Variants in GSG1L observed in about 807,000 individuals in gnomAD.
The protein encoded by GSG1L is germ cell-specific gene 1-like protein.
A neutral mutation model predicts 42.1 loss-of-function variants in GSG1L; 24 were observed. The observed-to-expected ratio is 0.57, with a 90% confidence interval of 0.41 to 0.80. The LOEUF is 0.80. Ranked by LOEUF, GSG1L falls within the 30% of genes least tolerant of loss-of-function variation. GSG1L has a pLI of 0.00. For synonymous variants in GSG1L, 215 were observed against 203.5 expected (o/e 1.06, Z -0.48); for missense variants, 445 against 472.2 (o/e 0.94, Z 0.53).
chr16:27,884,413 C>T lies in GSG1L; in HGVS notation c.550+73G>A. On this transcript the variant is annotated intron_variant, in intron 3 of 6. Coordinates refer to ENST00000447459, the MANE Select transcript of GSG1L (RefSeq NM_001109763.2). This position sits in a 1 kb window ranked among gnomAD's most constrained non-coding sequence, Gnocchi z 4.4. ...GTCCAATGCCTCCCGGTTGGTACAA[C>T]CAGGGCTTACTCCAAGGGCAGCACC... 1 of 1,441,952 alleles carries T rather than the reference C, an allele frequency of 6.9e-7. No individual in the cohort carries two copies. The highest frequency in any genetic ancestry group is 2.4e-5 in the East Asian group (1 of 41,806). 89.3% of individuals were successfully genotyped at this position (1,441,952 alleles called of 1,614,324 possible).
chr16:27,946,133 C>T (rs112832146), intron 2 of GSG1L, among the ~76,000 whole-genome samples: 11 of 152,196 alleles, frequency 7.2e-5, no homozygotes, highest in African/African-American at 2.4e-4. Flanking sequence ...ACAGGACTGA[C>T]GGGATACGTC....
At chr16:27,967,091 C>A (rs564244441) in intron 1 of GSG1L, among the ~76,000 whole-genome samples, 2 of 152,270 alleles carry the variant, frequency 1.3e-5, no homozygotes, top group South Asian at 2.1e-4. Flanking sequence ...CTGGTCCCAA[C>A]AAAGAGACAG....
chr16:27,988,766 A>AG (rs1555512638), intron 1 of GSG1L, among the ~76,000 whole-genome samples: 94 of 150,638 alleles, frequency 6.2e-4, no homozygotes, highest in Middle Eastern at 3.4e-3. Flanking sequence ...AAAAAAAAAA[A>AG]GGAGAGGGCT....
At chr16:27,950,629 C>T (rs186355366) in intron 2 of GSG1L, among the ~76,000 whole-genome samples, 7 of 152,122 alleles carry the variant, frequency 4.6e-5, no homozygotes, top group African/African-American at 1.4e-4. Flanking sequence ...TTGAAAACCT[C>T]GGAAGCCTAG....
chr16:28,060,553 G>A (rs2086329410), intron 1 of GSG1L, among the ~76,000 whole-genome samples: 1 of 152,138 alleles, frequency 6.6e-6, no homozygotes, highest in South Asian at 2.1e-4. Context: ...ATTTCTAACT[G>A]AGTTTTGGGA....
intron 1 of GSG1L, among the ~76,000 whole-genome samples, chr16:28,044,921 G>A (rs146688934): frequency 2.6e-4 from 40 of 152,266 alleles, no homozygotes; most frequent in Middle Eastern, 3.4e-3. Flanking sequence ...TACCGCGTCC[G>A]GCCATGAATG....
intron 1 of GSG1L, among the ~76,000 whole-genome samples, chr16:28,050,913 C>T (rs1934530422): frequency 6.6e-6 from 1 of 152,182 alleles, no homozygotes; most frequent in African/African-American, 2.4e-5. Context: ...CCCACTGAAT[C>T]CACAAGTAAG....
intron 2 of GSG1L, among the ~76,000 whole-genome samples, chr16:27,914,864 G>A (rs1378457788): frequency 6.6e-6 from 1 of 152,078 alleles, no homozygotes; most frequent in Non-Finnish European, 1.5e-5. Flanking sequence ...CTTGCAGATT[G>A]CCCCTGGCTA....
intron 3 of GSG1L, among the ~76,000 whole-genome samples, chr16:27,862,704 C>T (rs1031559967): frequency 2.0e-5 from 3 of 152,170 alleles, no homozygotes; most frequent in Admixed American, 2.0e-4. Flanking sequence ...GGTCTTGACA[C>T]CTAACTACCC....
At chr16:27,885,959 A>G (rs973708447) in intron 2 of GSG1L, among the ~76,000 whole-genome samples, 3 of 152,170 alleles carry the variant, frequency 2.0e-5, no homozygotes, top group Admixed American at 6.5e-5. Flanking sequence ...CCCATATTAT[A>G]ATGATTCCTG....
intron 3 of GSG1L, among the ~76,000 whole-genome samples, chr16:27,882,858 T>C (rs1469933243): frequency 1.3e-5 from 2 of 152,136 alleles, no homozygotes; most frequent in East Asian, 3.9e-4. Context: ...GTAATCCCAG[T>C]GCTATGAGAG....
In GSG1L at chr16:28,044,845, G is replaced by A. The variant is rs531897633; in HGVS notation, c.349+18231C>T. 9.9e-5 allele frequency among the ~76,000 whole-genome samples: 15 copies of A among 151,954 alleles called. No homozygotes were observed. The South Asian group carries it at 2.9e-3, about 29-fold the overall frequency. ...TTGCCATGTTGGCCAGGCTGGTCTT[G>A]AACTCCTGACCTCAGGTGATCTGCC... On this transcript the variant is annotated intron_variant, in intron 1 of 6. Coordinates refer to ENST00000447459, the MANE Select transcript of GSG1L (RefSeq NM_001109763.2).
chr16:27,849,547 T>C (rs1350639408), intron 3 of GSG1L, among the ~76,000 whole-genome samples: 1 of 152,116 alleles, frequency 6.6e-6, no homozygotes, highest in Non-Finnish European at 1.5e-5. Context: ...TTTACTTTTG[T>C]TTTGTTTTGA....
At chr16:27,824,466 A>G (rs2083185994) in intron 5 of GSG1L, among the ~76,000 whole-genome samples, 1 of 151,982 alleles carries the variant, frequency 6.6e-6, no homozygotes, top group East Asian at 1.9e-4. Context: ...GGCCACTGTA[A>G]GATGTCAGCC....
intron 1 of GSG1L, among the ~76,000 whole-genome samples, chr16:28,031,076 T>G (rs2085956799): frequency 7.0e-6 from 1 of 143,222 alleles, no homozygotes; most frequent in Admixed American, 7.0e-5. Flanking sequence ...TGGATTGGTA[T>G]GGGCTGAGTT....
At chr16:28,015,285 C>T (rs758396448) in intron 1 of GSG1L, among the ~76,000 whole-genome samples, 1 of 152,238 alleles carries the variant, frequency 6.6e-6, no homozygotes, top group African/African-American at 2.4e-5. Flanking sequence ...AGAAGGATCG[C>T]TTGACGCCAG....
At chr16:27,843,288 C>T (rs913136014) in intron 4 of GSG1L, among the ~76,000 whole-genome samples, 4 of 152,048 alleles carry the variant, frequency 2.6e-5, no homozygotes, top group Non-Finnish European at 5.9e-5. Flanking sequence ...AGGCTAATGC[C>T]ACGCTCTGGA....
At chr16:28,038,030 G>A (rs764894758) in intron 1 of GSG1L, among the ~76,000 whole-genome samples, 3 of 152,286 alleles carry the variant, frequency 2.0e-5, no homozygotes, top group South Asian at 2.1e-4. Context: ...TCTCTCTGCC[G>A]TAGGTACAAT....
At chr16:27,911,893 G>C (rs558430985) in intron 2 of GSG1L, among the ~76,000 whole-genome samples, 1 of 152,148 alleles carries the variant, frequency 6.6e-6, no homozygotes, top group Non-Finnish European at 1.5e-5. Flanking sequence ...TTTTTTGAAA[G>C]TTTGTTTCTC....
Sources: gnomAD v4.1 joint callset for allele counts (sites outside exome capture counted in the v4.1 genomes callset) on GRCh38, gnomAD v4.1.1 for gene constraint, Gnocchi (gnomAD v3.1) non-coding constraint, MANE v1.5 for transcripts, NCBI Gene and HGNC (gene_info 2026-07-23, HGNC 2026-07-21) for gene names.